The following MYO1D variants were observed in gnomAD, a reference collection of about 807,000 sequenced individuals.
MYO1D encodes the protein unconventional myosin-Id.
Under a neutral mutation model 122.0 loss-of-function variants are expected in MYO1D, and 83 were observed. The observed-to-expected ratio is 0.68, with a 90% confidence interval of 0.57 to 0.82. The LOEUF (loss-of-function observed/expected upper bound fraction) is 0.82. Ranked by LOEUF, MYO1D falls within the 40% of genes least tolerant of loss-of-function variation. The pLI is 0.00. For missense variants in MYO1D, 1,157 were observed against 1,269.5 expected (o/e 0.91, Z 1.35); for synonymous variants, 464 against 446.9 (o/e 1.04, Z -0.48).
chr17:32,540,313 G>C (rs1910797018), intron 21 of MYO1D, among the ~76,000 whole-genome samples: 1 of 66,404 alleles, frequency 1.5e-5, no homozygotes, highest in African/African-American at 9.5e-5. Flanking sequence ...CTAGGTGACA[G>C]AGAGAGACTA....
chr17:32,640,731 G>A (rs1161983699), intron 19 of MYO1D, among the ~76,000 whole-genome samples: 2 of 151,174 alleles, frequency 1.3e-5, no homozygotes, highest in African/African-American at 4.9e-5. Flanking sequence ...ATCATTGTTG[G>A]ACATTTGGGT....
chr17:32,767,678 C>T lies in MYO1D; in HGVS notation c.789G>A (p.Glu263=), dbSNP rs770904478. Residue 263 remains glutamate, a synonymous_variant, in exon 7 of 22, where the codon GAG becomes GAA. Transcript: ENST00000318217. ...CCAAAATCTTATACACTGTTTGGAT[C>T]TCCTCAGGTTTGAAGCCAATGACTT... ...AMKVIGFKPE[E]IQTVYKILAA... is the part of the protein sequence containing the mutation. 1 of 1,613,830 alleles carries T rather than the reference C, an allele frequency of 6.2e-7. No individual in the cohort carries two copies. Among genetic ancestry groups the T allele is most frequent in the South Asian group, 1.1e-5 (1 of 91,054 alleles).
chr17:32,698,385 CCTT>C lies in MYO1D; in HGVS notation c.2121+13600_2121+13602del, dbSNP rs1241966627. ...CCCTCCCCCTCCCCCTTCCCTCCTT[CCTT>C]CTTTTCTTTTTTAAGGACAAAAGTA... On this transcript the variant is annotated intron_variant, in intron 16 of 21. Coordinates refer to ENST00000318217, the MANE Select transcript of MYO1D (RefSeq NM_015194.3). Among the ~76,000 whole-genome samples, 48 of 128,424 alleles carry C rather than the reference CCTT, an allele frequency of 3.7e-4. 1 individual carries two copies. Among genetic ancestry groups the C allele is most frequent in the African/African-American group, 1.1e-3 (37 of 34,474 alleles). The allele number at this position is 128,424 out of a possible 152,430, so 84.3% of individuals were successfully genotyped here.
At chr17:32,572,678 T>C (rs572338706) in intron 21 of MYO1D, among the ~76,000 whole-genome samples, 90 of 152,238 alleles carry the variant, frequency 5.9e-4, no homozygotes, top group African/African-American at 2.1e-3. Flanking sequence ...GCCTGGGTGA[T>C]CTCTAACTTC....
intron 21 of MYO1D, among the ~76,000 whole-genome samples, chr17:32,556,061 C>T (rs544779222): frequency 3.3e-5 from 5 of 152,272 alleles, no homozygotes; most frequent in African/African-American, 1.2e-4. Flanking sequence ...TGTGTGTTTG[C>T]CCCACTGGAA....
At chr17:32,652,108 T>C (rs1417588027) in intron 19 of MYO1D, among the ~76,000 whole-genome samples, 1 of 152,220 alleles carries the variant, frequency 6.6e-6, no homozygotes, top group East Asian at 1.9e-4. Flanking sequence ...TCTCTCTCTC[T>C]GGGTATTTGT....
At chr17:32,791,792 T>G (rs889679746) in intron 1 of MYO1D, among the ~76,000 whole-genome samples, 3 of 152,214 alleles carry the variant, frequency 2.0e-5, no homozygotes, top group African/African-American at 2.4e-5. Context: ...TAATTTAGAA[T>G]AGGCAAGATA....
intron 21 of MYO1D, among the ~76,000 whole-genome samples, chr17:32,571,812 A>C (rs763680038): frequency 3.0e-4 from 45 of 152,204 alleles, no homozygotes; most frequent in African/African-American, 1.0e-3. Flanking sequence ...TTACTCTAGC[A>C]AAGTAACCCA....
intron 21 of MYO1D, among the ~76,000 whole-genome samples, chr17:32,554,311 G>A (rs528512157): frequency 6.6e-6 from 1 of 152,080 alleles, no homozygotes; most frequent in South Asian, 2.1e-4. Context: ...GGAAAGGGTT[G>A]GAATCACTGC....
chr17:32,683,406 G>A lies in MYO1D; in HGVS notation c.2122-24068C>T, dbSNP rs866503680. Among the ~76,000 whole-genome samples the A allele has an allele frequency of 3.7e-3, 552 of 147,408 alleles. 2 individuals are homozygous for A. The highest frequency in any genetic ancestry group is 0.025 in the Middle Eastern group (7 of 276). On this transcript the variant is annotated intron_variant, in intron 16 of 21. Coordinates refer to ENST00000318217, the MANE Select transcript of MYO1D (RefSeq NM_015194.3). ...TATCTACTTTTGGTCTCTGATGATG[G>A]TGATGTACAGATGGGTTTTCGGTGT...
chr17:32,862,248 A>G lies in MYO1D; in HGVS notation c.95+14530T>C, dbSNP rs372431737. Reference sequence around the variant, plus strand: ...TCTGCTCTTTCTCTTCATAGCACTTATTACTATTTGTAGTTATCCTTTTGT... The same window carrying G: ...TCTGCTCTTTCTCTTCATAGCACTTGTTACTATTTGTAGTTATCCTTTTGT... On this transcript the variant is annotated intron_variant, in intron 1 of 21. Transcript: ENST00000318217. 2.1e-3 allele frequency among the ~76,000 whole-genome samples: 318 copies of G among 152,238 alleles called. 19 individuals are homozygous for G. The South Asian group carries it at 0.063, about 30-fold the overall frequency.
intron 1 of MYO1D, among the ~76,000 whole-genome samples, chr17:32,842,226 T>A (rs1277723194): frequency 6.6e-6 from 1 of 152,076 alleles, no homozygotes; most frequent in South Asian, 2.1e-4. Context: ...ACAATGGAGC[T>A]TGGACTGAGA....
At position 32,659,227 on chromosome 17, in the gene MYO1D, T is replaced by G. The variant is rs1367321267; in HGVS notation, c.2233A>C (p.Arg745=). Residue 745 remains arginine (R), a synonymous_variant, in exon 17 of 22, where the codon AGA becomes CGA. Transcript: ENST00000318217. ...ATGGTCTTGACGCCATGGAAGCGTC[T>G]GGCCACCTCGTGGATGTACGACTTC... ...KVKSYIHEVA[R]RFHGVKTMRD... The G allele has an allele frequency of 3.1e-6, 5 of 1,614,124 alleles. No homozygotes were observed. The highest frequency in any genetic ancestry group is 4.2e-6 in the Non-Finnish European group (5 of 1,180,052).
At chr17:32,723,867 T>G (rs1194027330) in intron 14 of MYO1D, among the ~76,000 whole-genome samples, 1 of 152,180 alleles carries the variant, frequency 6.6e-6, no homozygotes, top group African/African-American at 2.4e-5. Context: ...TGATTTGTTA[T>G]GGATTGATAG....
intron 19 of MYO1D, among the ~76,000 whole-genome samples, chr17:32,646,809 T>A (rs779195358): frequency 5.9e-5 from 9 of 152,110 alleles, no homozygotes; most frequent in Non-Finnish European, 1.2e-4. Context: ...ATGAATTGAG[T>A]GGGAAGGACA....
intron 1 of MYO1D, chr17:32,830,209 G>A (rs1397605579): frequency 6.6e-6 from 1 of 152,114 alleles, no homozygotes; most frequent in African/African-American, 2.4e-5. Context: ...AAAATATGTG[G>A]GATGCTCATT....
At position 32,769,265 on chromosome 17, in the gene MYO1D, G is replaced by A. The variant is rs139280018; in HGVS notation, c.715-1513C>T. ...TCCTGGAAATTCTGATGACATTTTG[G>A]GACTAAAAGGAAAACCAGCCTAAGA... On this transcript the variant is annotated intron_variant, in intron 6 of 21. Transcript: ENST00000318217. Among the ~76,000 whole-genome samples the A allele has an allele frequency of 4.6e-3, 695 of 152,204 alleles. 8 individuals carry two copies. Among genetic ancestry groups the A allele is most frequent in the Non-Finnish European group, 7.6e-3 (518 of 68,010 alleles).
At chr17:32,665,477 A>T (rs558780523) in intron 16 of MYO1D, among the ~76,000 whole-genome samples, 1 of 152,280 alleles carries the variant, frequency 6.6e-6, no homozygotes, top group African/African-American at 2.4e-5. Context: ...TCCAAGTCTG[A>T]TATTGAATCT....
chr17:32,569,179 G>C (rs1420829751), intron 21 of MYO1D, among the ~76,000 whole-genome samples: 2 of 152,206 alleles, frequency 1.3e-5, no homozygotes, highest in African/African-American at 2.4e-5. Context: ...TGGTGTCATA[G>C]AAACTTCAGC....
Sources: allele counts gnomAD v4.1 joint callset (sites outside exome capture counted in the v4.1 genomes callset), GRCh38; gene constraint gnomAD v4.1.1; transcripts MANE v1.5; gene names NCBI Gene and HGNC (gene_info 2026-07-23, HGNC 2026-07-21).